The following HID1 variants were observed in gnomAD, a reference collection of about 807,000 sequenced individuals.
HID1 encodes protein HID1.
HID1 carries 42 observed loss-of-function variants against 89.7 expected under a neutral mutation model. That is an observed-to-expected ratio of 0.47 (90% CI 0.37 to 0.61). The LOEUF is 0.61. Ranked by LOEUF, HID1 falls within the 20% of genes least tolerant of loss-of-function variation. The pLI, the probability that HID1 is intolerant of heterozygous loss-of-function variation, is 0.00. For missense variants in HID1, 854 were observed against 1,039.3 expected (o/e 0.82, Z 2.45); for synonymous variants, 442 against 433.8 (o/e 1.02, Z -0.24).
chr17:74,972,284 G>T lies in HID1; in HGVS notation c.66+307C>A, dbSNP rs1277056419. Reference sequence around the variant, plus strand: ...GAGATGCGAAGCTGGGGACGCCGCGGGGCGGGACAGGGGGCGGACAGCTGT... The same window carrying T: ...GAGATGCGAAGCTGGGGACGCCGCGTGGCGGGACAGGGGGCGGACAGCTGT... On this transcript the variant is annotated intron_variant, in intron 1 of 18. Transcript: ENST00000425042. The surrounding 1 kb of genome is among the most constrained non-coding windows in gnomAD (Gnocchi z 6.4). Among the ~76,000 whole-genome samples the T allele has an allele frequency of 1.3e-5, 2 of 152,066 alleles. No homozygotes were observed. The highest frequency in any genetic ancestry group is 2.9e-5 in the Non-Finnish European group (2 of 67,920).
chr17:74,964,018 C>T (rs1371597064), intron 2 of HID1, 108 bp from the exon 3 acceptor site: 2 of 1,186,302 alleles, frequency 1.7e-6, no homozygotes, highest in Admixed American at 2.0e-5. Context: ...AGGGGGGGCA[C>T]CCAGGCTGCA....
chr17:74,971,700 G>A (rs2039650480), intron 1 of HID1, among the ~76,000 whole-genome samples: 7 of 152,206 alleles, frequency 4.6e-5, no homozygotes, highest in Non-Finnish European at 8.8e-5. Flanking sequence ...TGGCCACGGT[G>A]GCCTGATTCA....
chr17:74,954,579 G>C, intron 13 of HID1: 1 of 803,054 alleles, frequency 1.2e-6, no homozygotes, highest in Non-Finnish European at 1.9e-6. Flanking sequence ...TCAGGCCTGA[G>C]CACCTCACAA....
chr17:74,951,736 C>T (rs1380152830), intron 18 of HID1, 103 bp from the exon 19 acceptor site: 5 of 1,392,632 alleles, frequency 3.6e-6, no homozygotes, highest in African/African-American at 2.8e-5. Context: ...CTTTCCATCC[C>T]GATGTCCCAC....
Position 74,953,089 on chromosome 17 carries a change from G to T in HID1, c.1972-3C>A. The T allele has an allele frequency of 6.2e-7, 1 of 1,602,668 alleles. No individual in the cohort carries two copies. Among genetic ancestry groups the T allele is most frequent in the Non-Finnish European group, 8.5e-7 (1 of 1,175,852 alleles). ...TCCCTCCATGCCTGGCTGGGCTCCTGGCCCCCAGAAAGGAACAGGGGTGAG... is the reference window on the plus strand; with the variant it reads ...TCCCTCCATGCCTGGCTGGGCTCCTTGCCCCCAGAAAGGAACAGGGGTGAG... On this transcript the variant is annotated splice_polypyrimidine_tract_variant and splice_region_variant and intron_variant, in intron 15 of 18. Coordinates refer to ENST00000425042, the MANE Select transcript of HID1 (RefSeq NM_030630.3).
In HID1 at chr17:74,963,081, G is replaced by C. The variant is rs60549366; in HGVS notation, c.388C>G (p.Gln130Glu). ...GCATGCTCATCATCCTCTTCTCCCT[G>C]CTGGGGACACAGCACCCACAGGCTG... Reference protein sequence around the residue: ...STVPGAGRGGQGEEDDEHARP... With the variant: ...STVPGAGRGGEGEEDDEHARP... Residue 130 changes from glutamine to glutamate, a missense_variant and splice_region_variant, in exon 4 of 19, where the codon CAG becomes GAG. Transcript: ENST00000425042. The C allele has an allele frequency of 1.9e-3, 2,959 of 1,598,330 alleles. 39 individuals are homozygous for C. The African/African-American group carries it at 0.034, about 18-fold the overall frequency.
Position 74,954,225 on chromosome 17 carries a change from A to G in HID1, c.1777T>C (p.Ser593Pro). The change falls in exon 14 of 19, where the codon TCC becomes CCC. Residue 593 changes from serine (S) to proline (P), a missense_variant. Physicochemically the swap from Ser to Pro is moderately conservative, Grantham distance 74 (BLOSUM62 -1). Coordinates refer to ENST00000425042, the MANE Select transcript of HID1 (RefSeq NM_030630.3). ...CCCTCCATGGAGGTGCCCTCCTGGGAGCCGGTGCGAGACAAGGGCTCAGGT... is the reference window on the plus strand; with the variant it reads ...CCCTCCATGGAGGTGCCCTCCTGGGGGCCGGTGCGAGACAAGGGCTCAGGT... ...RTPEPLSRTGSQEGTSMEGSR... is the reference protein window; with the variant it reads ...RTPEPLSRTGPQEGTSMEGSR... 6.3e-7 allele frequency: 1 copy of G among 1,595,688 alleles called. No homozygotes were observed. Among genetic ancestry groups the G allele is most frequent in the Non-Finnish European group, 8.5e-7 (1 of 1,172,494 alleles).
intron 1 of HID1, among the ~76,000 whole-genome samples, chr17:74,965,714 C>T (rs1166540767): frequency 2.6e-5 from 4 of 151,794 alleles, no homozygotes; most frequent in African/African-American, 9.7e-5. Context: ...ATCAGGAGTT[C>T]GAGACCAGCC....
rs554836100 is a variant in HID1 at position 74,951,498 on chromosome 17, T to G, written c.*72A>C. ...GATCGTGGTAATTTAAAGCTCAGAA[T>G]GGTGGATGGGGGAAGCCTCAGGGAC... is the stretch of plus-strand genomic sequence containing the variant. On this transcript the variant is annotated 3_prime_UTR_variant, in exon 19 of 19. Coordinates refer to ENST00000425042, the MANE Select transcript of HID1 (RefSeq NM_030630.3). 5.3e-4 allele frequency: 746 copies of G among 1,417,406 alleles called. 2 individuals are homozygous for G. The Middle Eastern group carries it at 0.013, about 24-fold the overall frequency. 87.8% of individuals were successfully genotyped at this position (1,417,406 alleles called of 1,614,324 possible).
chr17:74,966,452 C>A (rs2039565228), intron 1 of HID1, among the ~76,000 whole-genome samples: 1 of 152,008 alleles, frequency 6.6e-6, no homozygotes, highest in Non-Finnish European at 1.5e-5. Flanking sequence ...GTGTCCAAGG[C>A]ACGCGCACCT....
chr17:74,954,173 G>T lies in HID1; in HGVS notation c.1829C>A (p.Pro610Gln). 1 of 1,602,466 alleles carries T rather than the reference G, an allele frequency of 6.2e-7. No homozygotes were observed. Among genetic ancestry groups the T allele is most frequent in the South Asian group, 1.1e-5 (1 of 88,334 alleles). Residue 610 changes from proline (P) to glutamine (Q), a missense_variant, in exon 14 of 19, where the codon CCA becomes CAA. Pro to Gln is a moderately conservative substitution (Grantham distance 76). Coordinates refer to ENST00000425042, the MANE Select transcript of HID1 (RefSeq NM_030630.3). ...CACCAGACTGGTCTTGAGGGTGCCT[G>T]GCTCTGCAGGGGCAGCGGGGCGGGA... ...EGSRPAAPAEPGTLKTSLVAT... is the reference protein window; with the variant it reads ...EGSRPAAPAEQGTLKTSLVAT...
chr17:74,963,718 A>G (rs770570909), intron 3 of HID1, 22 bp downstream of exon 3: 1 of 1,581,356 alleles, frequency 6.3e-7, no homozygotes, highest in Non-Finnish European at 8.6e-7. Context: ...CCTCCCACCC[A>G]GCCCTGGCCA....
chr17:74,964,307 A>C, intron 2 of HID1, 176 bp downstream of exon 2: 1 of 692,602 alleles, frequency 1.4e-6, no homozygotes, highest in Non-Finnish European at 2.4e-6. Flanking sequence ...TCCCCCATAA[A>C]TGACGGCTGC....
chr17:74,954,076 A>G, intron 14 of HID1, 62 bp downstream of exon 14: 1 of 1,449,762 alleles, frequency 6.9e-7, no homozygotes, highest in Non-Finnish European at 9.5e-7. Context: ...ACACCCCGAG[A>G]CCATGTCCCT....
chr17:74,964,752 TC>T, intron 1 of HID1, 120 bp from the exon 2 acceptor site: 2 of 1,030,172 alleles, frequency 1.9e-6, no homozygotes, highest in Non-Finnish European at 2.8e-6. Flanking sequence ...CCTGCTGGGG[TC>T]CCAGAGCCAT....
At position 74,964,610 on chromosome 17, in the gene HID1, G is replaced by T. The variant is rs775812712; in HGVS notation, c.89C>A (p.Ala30Asp). Residue 30 changes from alanine (A) to aspartate (D), a missense_variant, in exon 2 of 19, where the codon GCC (alanine) becomes GAC (aspartate). Coordinates refer to ENST00000425042, the MANE Select transcript of HID1 (RefSeq NM_030630.3). ...KTQPVEATDD[A>D]FWDQFWADTA... ...GTCTGCCCAGAACTGGTCCCAAAAGGCATCATCGGTGGCTTCCACGGGCTG... is the reference window on the plus strand; with the variant it reads ...GTCTGCCCAGAACTGGTCCCAAAAGTCATCATCGGTGGCTTCCACGGGCTG... The T allele has an allele frequency of 2.5e-6, 4 of 1,612,474 alleles. No homozygotes were observed. In the South Asian group the frequency reaches 3.3e-5, roughly 13 times the overall value.
intron 13 of HID1, 156 bp from the exon 14 acceptor site, chr17:74,954,521 G>T: frequency 1.5e-6 from 2 of 1,334,016 alleles, no homozygotes; most frequent in Non-Finnish European, 1.0e-6. Context: ...GGGTGCTGGG[G>T]CAGGGCTGGC....
chr17:74,957,341 C>T (rs1052354083), intron 12 of HID1, among the ~76,000 whole-genome samples: 1 of 149,504 alleles, frequency 6.7e-6, no homozygotes, highest in African/African-American at 2.5e-5. Flanking sequence ...AAAAATTAGC[C>T]AGTTGTGGTG....
chr17:74,964,490 C>T lies in HID1; in HGVS notation c.209G>A (p.Cys70Tyr). Reference sequence around the variant, plus strand: ...GGACTGGGCAGCCCTCACCTTGTAGCACAGGGTGGCCAAGTTGGAGGGTGA... The same window carrying T: ...GGACTGGGCAGCCCTCACCTTGTAGTACAGGGTGGCCAAGTTGGAGGGTGA... ...EESPSNLATL[C>Y]YKAVEKLVQG... is the part of the protein sequence containing the mutation. Residue 70 changes from cysteine to tyrosine, a missense_variant, in exon 2 of 19, where the codon TGC (cysteine) becomes TAC (tyrosine). Coordinates refer to ENST00000425042, the MANE Select transcript of HID1 (RefSeq NM_030630.3). 6.2e-7 allele frequency: 1 copy of T among 1,609,530 alleles called. No homozygotes were observed. Among genetic ancestry groups the T allele is most frequent in the East Asian group, 2.2e-5 (1 of 44,766 alleles).
Sources: allele counts gnomAD v4.1 joint callset (sites outside exome capture counted in the v4.1 genomes callset), GRCh38; gene constraint gnomAD v4.1.1; non-coding constraint Gnocchi (gnomAD v3.1); transcripts MANE v1.5; gene names NCBI Gene and HGNC (gene_info 2026-07-23, HGNC 2026-07-21).